The following DNM2 variants were observed in gnomAD, a reference collection of about 807,000 sequenced individuals.
DNM2 encodes the protein dynamin-2.
Under a neutral mutation model 99.0 loss-of-function variants are expected in DNM2, and 15 were observed. The ratio of observed to expected loss-of-function variants is 0.15; its 90% CI spans 0.10 to 0.23. DNM2 has a LOEUF of 0.23. Among genes scored for constraint, DNM2 ranks in the 10% least tolerant of loss-of-function variants. DNM2 has a pLI of 1.00. For missense variants in DNM2, 742 were observed against 1,189.4 expected, an observed-to-expected ratio of 0.62 and a Z score of 5.53; for synonymous variants, 525 against 481.2, an observed-to-expected ratio of 1.09 and a Z score of -1.19.
chr19:10,799,274 GCCCGCTC>G (rs2072046956), intron 11 of DNM2, among the ~76,000 whole-genome samples: 1 of 152,034 alleles, frequency 6.6e-6, no homozygotes, highest in African/African-American at 2.4e-5. Context: ...GCCACCACCA[GCCCGCTC>G]CCTATCCTAC....
At position 10,825,220 on chromosome 19, in the gene DNM2, A is replaced by G. The variant is rs2073102227; in HGVS notation, c.2057A>G (p.Asn686Ser). ...ACCATCATGCACCTCATGATCAACA[A>G]TGTGAGTGGAGAACTAAAAATGAGA... is the stretch of plus-strand genomic sequence containing the variant. ...PKTIMHLMINNTKAFIHHELL... is the reference protein window; with the variant it reads ...PKTIMHLMINSTKAFIHHELL... The change falls in exon 18 of 21, where the codon AAT becomes AGT. Residue 686 changes from asparagine to serine, a missense_variant and splice_region_variant. By Grantham distance (46) the Asn-to-Ser change is conservative. Around this residue, in one of 7 missense-constraint regions of DNM2, gnomAD observed 240 missense variants for 431.3 expected, o/e 0.56. Transcript: ENST00000389253. 3.1e-6 allele frequency: 5 copies of G among 1,612,970 alleles called. No homozygotes were observed. Among genetic ancestry groups the G allele is most frequent in the South Asian group, 1.1e-5 (1 of 91,064 alleles).
At chr19:10,745,979 G>T (rs997457114) in intron 1 of DNM2, among the ~76,000 whole-genome samples, 1 of 152,142 alleles carries the variant, frequency 6.6e-6, no homozygotes, top group Non-Finnish European at 1.5e-5. Context: ...TTCATTTTTT[G>T]AGACGGAGTC....
At chr19:10,756,155 A>G (rs934721766) in intron 1 of DNM2, among the ~76,000 whole-genome samples, 1 of 152,098 alleles carries the variant, frequency 6.6e-6, no homozygotes, top group Non-Finnish European at 1.5e-5. Flanking sequence ...GGCCATGCTA[A>G]GAGGTGACTT....
intron 5 of DNM2, among the ~76,000 whole-genome samples, chr19:10,779,633 A>G (rs1483143214): frequency 6.7e-6 from 1 of 148,430 alleles, no homozygotes; most frequent in African/African-American, 2.5e-5. Flanking sequence ...TCAGCCTCCC[A>G]AGTATTTGGG....
chr19:10,831,780 G>C lies in DNM2; in HGVS notation c.*733G>C, dbSNP rs2073353368. ...AGCTCCCGCCCATGCCTCCCTGATG[G>C]GTGGGCCCAGGGCGGCCTCTCTCTG... On this transcript the variant is annotated 3_prime_UTR_variant, in exon 21 of 21. Transcript: ENST00000389253. The surrounding 1 kb of genome is among the most constrained non-coding windows in gnomAD (Gnocchi z 4.3). 1 of 986,870 alleles carries C rather than the reference G, an allele frequency of 1.0e-6. No homozygotes were observed. The highest frequency in any genetic ancestry group is 1.2e-6 in the Non-Finnish European group (1 of 830,778). 61.1% of individuals were successfully genotyped at this position (986,870 alleles called of 1,614,324 possible). A position where few individuals can be genotyped will look rare whatever the true frequency, so the allele number is the denominator to read the frequency against.
chr19:10,774,653 C>T (rs900927593), intron 3 of DNM2, among the ~76,000 whole-genome samples: 2 of 150,198 alleles, frequency 1.3e-5, no homozygotes, highest in African/African-American at 2.5e-5. Flanking sequence ...CTCGAACTCC[C>T]GACCTCAGGT....
At chr19:10,798,446 G>A (rs369619876) in intron 10 of DNM2, 40 bp from the exon 11 acceptor site, 168 of 1,604,796 alleles carry the variant, frequency 1.0e-4, no homozygotes, top group South Asian at 2.1e-4. Flanking sequence ...CCCGTGCCAC[G>A]AGGACCCCGC....
chr19:10,774,233 A>G (rs2071075932), intron 3 of DNM2, among the ~76,000 whole-genome samples: 1 of 152,180 alleles, frequency 6.6e-6, no homozygotes, highest in South Asian at 2.1e-4. Flanking sequence ...TGGGCCCAGG[A>G]AGTCGAGGTT....
In DNM2 at chr19:10,757,324, C is replaced by T. The variant is rs75720979; in HGVS notation, c.162-2414C>T. Among the ~76,000 whole-genome samples the T allele has an allele frequency of 8.2e-3, 1,253 of 152,304 alleles. 22 individuals carry two copies. The highest frequency in any genetic ancestry group is 0.028 in the African/African-American group (1,163 of 41,566). ...AGTGGTGGGACAGCCCCCCGGCTGACGGGCTAGAACCCATCATCCAGGGTG... is the reference window on the plus strand; with the variant it reads ...AGTGGTGGGACAGCCCCCCGGCTGATGGGCTAGAACCCATCATCCAGGGTG... On this transcript the variant is annotated intron_variant, in intron 1 of 20. Coordinates refer to ENST00000389253, the MANE Select transcript of DNM2 (RefSeq NM_001005361.3).
chr19:10,772,323 C>T lies in DNM2; in HGVS notation c.236-156C>T, dbSNP rs1173767236. On this transcript the variant is annotated intron_variant, in intron 2 of 20. Coordinates refer to ENST00000389253, the MANE Select transcript of DNM2 (RefSeq NM_001005361.3). The surrounding 1 kb of genome is among the most constrained non-coding windows in gnomAD (Gnocchi z 4.9). Reference sequence around the variant, plus strand: ...CTGAATCTCCTGACCTTGTGATCTGCCCACCTCTGCCTCCCAAAGTGCTGG... The same window carrying T: ...CTGAATCTCCTGACCTTGTGATCTGTCCACCTCTGCCTCCCAAAGTGCTGG... Among the ~76,000 whole-genome samples the T allele has an allele frequency of 6.6e-6, 1 of 152,072 alleles. No individual in the cohort carries two copies. The highest frequency in any genetic ancestry group is 1.5e-5 in the Non-Finnish European group (1 of 68,014).
chr19:10,724,544 G>A (rs1411718180), intron 1 of DNM2, among the ~76,000 whole-genome samples: 15 of 152,202 alleles, frequency 9.9e-5, no homozygotes, highest in Non-Finnish European at 1.5e-5. Context: ...GGCGAGGAAG[G>A]AACCCCTGGA....
chr19:10,735,604 C>G (rs979955118), intron 1 of DNM2, among the ~76,000 whole-genome samples: 1 of 152,000 alleles, frequency 6.6e-6, no homozygotes, highest in Non-Finnish European at 1.5e-5. Flanking sequence ...ACCTCCGCCT[C>G]CCGGATTCAA....
In DNM2 at chr19:10,772,348, G is replaced by T; in HGVS notation, c.236-131G>T. 1 of 1,220,610 alleles carries T rather than the reference G, an allele frequency of 8.2e-7. No homozygotes were observed. The highest frequency in any genetic ancestry group is 1.2e-6 in the Non-Finnish European group (1 of 841,374). The allele number at this position is 1,220,610 out of a possible 1,614,324, so 75.6% of individuals were successfully genotyped here. A position where few individuals can be genotyped will look rare whatever the true frequency, so the allele number is the denominator to read the frequency against. On this transcript the variant is annotated intron_variant, in intron 2 of 20. Transcript: ENST00000389253. The surrounding 1 kb of genome is among the most constrained non-coding windows in gnomAD (Gnocchi z 4.9). ...CCCACCTCTGCCTCCCAAAGTGCTG[G>T]GATTACAGGCGTGAGCTACTGTGCC...
chr19:10,757,026 C>T (rs2070410869), intron 1 of DNM2, among the ~76,000 whole-genome samples: 1 of 152,182 alleles, frequency 6.6e-6, no homozygotes, highest in South Asian at 2.1e-4. Flanking sequence ...TGTAATCCAT[C>T]CCTAAATCCC....
At chr19:10,737,444 G>C (rs946577870) in intron 1 of DNM2, among the ~76,000 whole-genome samples, 5 of 151,984 alleles carry the variant, frequency 3.3e-5, no homozygotes, top group African/African-American at 1.2e-4. Flanking sequence ...ATTTTTCTTG[G>C]AACCACTTGT....
chr19:10,760,989 A>T (rs1365647919), intron 2 of DNM2, among the ~76,000 whole-genome samples: 2 of 150,496 alleles, frequency 1.3e-5, no homozygotes, highest in African/African-American at 2.4e-5. Flanking sequence ...TTTTTATTTT[A>T]TTTATTTATT....
At chr19:10,749,254 G>A (rs1184319922) in intron 1 of DNM2, among the ~76,000 whole-genome samples, 1 of 152,206 alleles carries the variant, frequency 6.6e-6, no homozygotes, top group African/African-American at 2.4e-5. Context: ...ACCCTCATAG[G>A]GGCTGGAAGT....
chr19:10,732,429 C>CCTGT (rs2069361313), intron 1 of DNM2, among the ~76,000 whole-genome samples: 1 of 151,116 alleles, frequency 6.6e-6, no homozygotes, highest in Non-Finnish European at 1.5e-5. Flanking sequence ...TGAAACCCCA[C>CCTGT]CTCTACTAAA....
Position 10,824,408 on chromosome 19 carries a change from A to G in DNM2, c.1893+509A>G, listed in dbSNP as rs747042665. On this transcript the variant is annotated intron_variant, in intron 17 of 20. Transcript: ENST00000389253. Reference sequence around the variant, plus strand: ...TCCCAGTTACTCAGGAGGCTTAGGCAGGAGATCGCTTAAACCCGGGAGGTA... The same window carrying G: ...TCCCAGTTACTCAGGAGGCTTAGGCGGGAGATCGCTTAAACCCGGGAGGTA... 7 of 204,856 alleles carry G rather than the reference A, an allele frequency of 3.4e-5. No individual in the cohort carries two copies. The East Asian group carries it at 8.6e-4, about 25-fold the overall frequency. 12.7% of individuals were successfully genotyped at this position (204,856 alleles called of 1,614,324 possible).
Sources: allele counts gnomAD v4.1 joint callset (sites outside exome capture counted in the v4.1 genomes callset), GRCh38; gene constraint gnomAD v4.1.1; regional missense constraint gnomAD v4.1.1; non-coding constraint Gnocchi (gnomAD v3.1); transcripts MANE v1.5; gene names NCBI Gene and HGNC (gene_info 2026-07-23, HGNC 2026-07-21).